Variants in SGCZ observed in about 807,000 individuals in gnomAD.
SGCZ encodes the protein sarcoglycan zeta.
A neutral mutation model predicts 41.3 loss-of-function variants in SGCZ; 40 were observed. That is an observed-to-expected ratio of 0.97 (90% CI 0.75 to 1.26). The LOEUF (loss-of-function observed/expected upper bound fraction) is 1.26. SGCZ is among the 50% of genes most tolerant of loss of function. The pLI, the probability that SGCZ is intolerant of heterozygous loss-of-function variation, is 0.00. For synonymous variants in SGCZ, 206 were observed against 137.5 expected (o/e 1.50, Z -3.49); for missense variants, 552 against 369.8 (o/e 1.49, Z -4.04).
At chr8:14,908,743 C>CAAAAA (rs58817872) in intron 1 of SGCZ, among the ~76,000 whole-genome samples, 38 of 91,008 alleles carry the variant, frequency 4.2e-4, no homozygotes, top group African/African-American at 1.2e-3. Flanking sequence ...GTCACCGTTG[C>CAAAAA]AAAAAAAAAA....
chr8:14,180,335 A>G (rs1804681460), intron 4 of SGCZ, among the ~76,000 whole-genome samples: 1 of 152,156 alleles, frequency 6.6e-6, no homozygotes, highest in African/African-American at 2.4e-5. Flanking sequence ...CAAGCACTGC[A>G]GGAAGTGCTT....
intron 1 of SGCZ, among the ~76,000 whole-genome samples, chr8:14,917,674 A>G (rs1405850828): frequency 6.6e-6 from 1 of 152,018 alleles, no homozygotes; most frequent in Non-Finnish European, 1.5e-5. Context: ...CTATTTCTAC[A>G]CAAGTTTTCA....
intron 1 of SGCZ, among the ~76,000 whole-genome samples, chr8:14,875,392 G>A (rs1225744111): frequency 1.3e-5 from 2 of 152,118 alleles, no homozygotes. Flanking sequence ...GTCTCAACAT[G>A]AATTTTGGAG....
intron 1 of SGCZ, among the ~76,000 whole-genome samples, chr8:14,586,400 G>C (rs112264062): frequency 3.3e-5 from 5 of 152,048 alleles, no homozygotes; most frequent in African/African-American, 1.2e-4. Context: ...TTTTAATAGA[G>C]ACAGGGTTTT....
intron 3 of SGCZ, among the ~76,000 whole-genome samples, chr8:14,251,519 A>G (rs924131807): frequency 6.6e-6 from 1 of 152,202 alleles, no homozygotes; most frequent in Non-Finnish European, 1.5e-5. Flanking sequence ...ATTATATTTT[A>G]ATAAGAGACA....
At chr8:14,901,050 T>A (rs143176170) in intron 1 of SGCZ, among the ~76,000 whole-genome samples, 1 of 152,188 alleles carries the variant, frequency 6.6e-6, no homozygotes, top group Non-Finnish European at 1.5e-5. Context: ...TCATTTCTGT[T>A]TGGAAAGAAT....
chr8:14,582,642 A>G (rs1350541910), intron 1 of SGCZ, among the ~76,000 whole-genome samples: 1 of 142,522 alleles, frequency 7.0e-6, no homozygotes, highest in Admixed American at 6.9e-5. Context: ...ATATCTCCTA[A>G]TGCTATCCCT....
chr8:14,152,471 C>A (rs1803740547), intron 5 of SGCZ, among the ~76,000 whole-genome samples: 1 of 152,098 alleles, frequency 6.6e-6, no homozygotes, highest in Admixed American at 6.5e-5. Flanking sequence ...CAAGACCAGC[C>A]TCAGCTACAT....
chr8:15,021,469 T>C (rs1205759934), intron 1 of SGCZ, among the ~76,000 whole-genome samples: 1 of 152,204 alleles, frequency 6.6e-6, no homozygotes, highest in African/African-American at 2.4e-5. Flanking sequence ...TATCTGAGGT[T>C]GTACACCCCT....
chr8:14,906,991 C>T (rs1182518760), intron 1 of SGCZ, among the ~76,000 whole-genome samples: 1 of 152,066 alleles, frequency 6.6e-6, no homozygotes, highest in Non-Finnish European at 1.5e-5. Flanking sequence ...ATTCAATAAC[C>T]TTAAATCATA....
intron 1 of SGCZ, among the ~76,000 whole-genome samples, chr8:14,603,227 T>G (rs935603892): frequency 6.6e-6 from 1 of 152,156 alleles, no homozygotes; most frequent in African/African-American, 2.4e-5. Flanking sequence ...AAAAAGGCCT[T>G]GAAAATTAAA....
At chr8:14,202,386 C>T (rs1180043401) in intron 4 of SGCZ, among the ~76,000 whole-genome samples, 1 of 152,066 alleles carries the variant, frequency 6.6e-6, no homozygotes, top group East Asian at 1.9e-4. Flanking sequence ...CTCAGAATTG[C>T]ATAATAATTT....
At chr8:14,791,709 T>C (rs1019518576) in intron 1 of SGCZ, among the ~76,000 whole-genome samples, 4 of 152,208 alleles carry the variant, frequency 2.6e-5, no homozygotes, top group African/African-American at 9.6e-5. Flanking sequence ...GAGAATATTA[T>C]GTGCATTATT....
intron 1 of SGCZ, among the ~76,000 whole-genome samples, chr8:14,642,360 C>T (rs1807054483): frequency 6.6e-6 from 1 of 151,488 alleles, no homozygotes; most frequent in Non-Finnish European, 1.5e-5. Context: ...CAGAAAAAGT[C>T]TAAGAGATGG....
At chr8:14,431,935 A>G (rs543183784) in intron 2 of SGCZ, among the ~76,000 whole-genome samples, 2 of 152,190 alleles carry the variant, frequency 1.3e-5, no homozygotes, top group East Asian at 3.9e-4. Context: ...AAAATGCTCA[A>G]CATCACTAAT....
At chr8:14,996,619 T>C (rs1486266410) in intron 1 of SGCZ, among the ~76,000 whole-genome samples, 6 of 152,168 alleles carry the variant, frequency 3.9e-5, no homozygotes, top group Non-Finnish European at 8.8e-5. Context: ...AATTCAGAAC[T>C]GACTCTACAG....
At chr8:14,126,215 A>G (rs931056060) in intron 5 of SGCZ, among the ~76,000 whole-genome samples, 1 of 152,154 alleles carries the variant, frequency 6.6e-6, no homozygotes, top group Non-Finnish European at 1.5e-5. Context: ...GGGAGAAAAT[A>G]TTTGCAATCT....
At chr8:14,095,717 G>T (rs942073805) in intron 7 of SGCZ, among the ~76,000 whole-genome samples, 1 of 152,106 alleles carries the variant, frequency 6.6e-6, no homozygotes, top group Non-Finnish European at 1.5e-5. Context: ...TCACGATAAT[G>T]TTTCTTCTTA....
intron 2 of SGCZ, among the ~76,000 whole-genome samples, chr8:14,545,776 G>T (rs983107981): frequency 6.6e-6 from 1 of 151,974 alleles, no homozygotes; most frequent in African/African-American, 2.4e-5. Flanking sequence ...CAACTAACAA[G>T]TCTCTAATTT....
Sources: allele counts gnomAD v4.1 joint callset (sites outside exome capture counted in the v4.1 genomes callset), GRCh38; gene constraint gnomAD v4.1.1; transcripts MANE v1.5; gene names NCBI Gene and HGNC (gene_info 2026-07-23, HGNC 2026-07-21).